TCF12: variants seen among roughly 807,000 people sequenced by gnomAD.
TCF12 encodes transcription factor 12, also known as DNA-binding protein HTF4.
Under a neutral mutation model 86.0 loss-of-function variants are expected in TCF12, and 45 were observed. That is an observed-to-expected ratio of 0.52 (90% CI 0.41 to 0.67). The LOEUF (loss-of-function observed/expected upper bound fraction) is 0.67, where lower values mean the gene tolerates loss of function less well. Ranked by LOEUF, TCF12 falls within the 30% of genes least tolerant of loss-of-function variation. The pLI is 0.00. For missense variants in TCF12, 881 were observed against 859.9 expected (o/e 1.02, Z -0.31); for synonymous variants, 330 against 299.6 (o/e 1.10, Z -1.05).
intron 16 of TCF12, among the ~76,000 whole-genome samples, chr15:57,256,597 C>G (rs1566997663): frequency 8.8e-6 from 1 of 114,166 alleles, no homozygotes; most frequent in Admixed American, 1.3e-4. Context: ...TTATAACTTT[C>G]CAGAAGTTTG....
chr15:57,150,276 A>G (rs2053646783), intron 5 of TCF12, among the ~76,000 whole-genome samples: 1 of 152,180 alleles, frequency 6.6e-6, no homozygotes, highest in Non-Finnish European at 1.5e-5. Flanking sequence ...ACATGCATGT[A>G]TATGCATGAG....
chr15:57,260,615 T>A (rs572527181), intron 16 of TCF12, among the ~76,000 whole-genome samples: 2 of 152,310 alleles, frequency 1.3e-5, no homozygotes, highest in East Asian at 3.9e-4. Flanking sequence ...TTACTTTAAC[T>A]TACAATTATT....
At chr15:57,033,481 C>A (rs956397940) in intron 3 of TCF12, among the ~76,000 whole-genome samples, 4 of 152,054 alleles carry the variant, frequency 2.6e-5, no homozygotes, top group African/African-American at 4.8e-5. Flanking sequence ...CAAATGTTTT[C>A]CCCACATTAT....
chr15:56,979,067 A>G (rs2062756773), intron 3 of TCF12, among the ~76,000 whole-genome samples: 1 of 152,200 alleles, frequency 6.6e-6, no homozygotes, highest in Admixed American at 6.5e-5. Flanking sequence ...TAGAACATGC[A>G]GTGTTTGGAT....
intron 8 of TCF12, among the ~76,000 whole-genome samples, chr15:57,219,861 G>A (rs1340070645): frequency 2.0e-5 from 3 of 151,848 alleles, no homozygotes; most frequent in Admixed American, 1.3e-4. Flanking sequence ...GAGTAGCTGG[G>A]ATTACAGGCA....
chr15:57,051,729 A>G (rs1411617471), intron 3 of TCF12, among the ~76,000 whole-genome samples: 1 of 152,100 alleles, frequency 6.6e-6, no homozygotes, highest in Non-Finnish European at 1.5e-5. Context: ...ATAGATTTGG[A>G]TCTTACCCAG....
At chr15:57,251,501 A>G in intron 14 of TCF12, 78 bp downstream of exon 14, 2 of 1,355,962 alleles carry the variant, frequency 1.5e-6, no homozygotes, top group Middle Eastern at 1.8e-4. Context: ...ATAACAATAA[A>G]GAAACAGTAG....
At chr15:57,085,221 T>C (rs1189247869) in intron 4 of TCF12, among the ~76,000 whole-genome samples, 2 of 152,160 alleles carry the variant, frequency 1.3e-5, no homozygotes, top group African/African-American at 4.8e-5. Context: ...GCTAGTCTCT[T>C]TTTGGATTAT....
In TCF12 at chr15:57,095,473, G is replaced by A. The variant is rs148905636; in HGVS notation, c.325+3582G>A. Among the ~76,000 whole-genome samples, 575 of 152,246 alleles carry A rather than the reference G, an allele frequency of 3.8e-3. 2 individuals carry two copies. The highest frequency in any genetic ancestry group is 0.013 in the African/African-American group (556 of 41,544). ...CTGGCTTCCATCCCCAAGTGATTGT[G>A]TAATAAACTACTATTATCTTTTTAA... On this transcript the variant is annotated intron_variant, in intron 5 of 20. Coordinates refer to ENST00000333725, the MANE Select transcript of TCF12 (RefSeq NM_207037.2).
At chr15:57,149,774 T>C (rs1218665355) in intron 5 of TCF12, among the ~76,000 whole-genome samples, 1 of 152,212 alleles carries the variant, frequency 6.6e-6, no homozygotes, top group East Asian at 1.9e-4. Flanking sequence ...CTCTAAGCAG[T>C]CTTTGTTTGT....
intron 5 of TCF12, among the ~76,000 whole-genome samples, chr15:57,113,158 A>G (rs1408651856): frequency 6.6e-6 from 1 of 152,102 alleles, no homozygotes; most frequent in Admixed American, 6.5e-5. Context: ...CACTCTGGCC[A>G]TATCCCCGTG....
chr15:57,052,530 G>C (rs1485558041), intron 3 of TCF12, among the ~76,000 whole-genome samples: 7 of 151,528 alleles, frequency 4.6e-5, no homozygotes, highest in African/African-American at 1.7e-4. Context: ...CCAGCTACTC[G>C]GGAGGCTGAG....
chr15:57,083,775 G>C (rs2048459978), intron 4 of TCF12, among the ~76,000 whole-genome samples: 1 of 152,082 alleles, frequency 6.6e-6, no homozygotes, highest in African/African-American at 2.4e-5. Flanking sequence ...TGTAGCACCA[G>C]AGTCTCGCTA....
At chr15:57,022,116 G>T (rs1470186765) in intron 3 of TCF12, among the ~76,000 whole-genome samples, 1 of 151,920 alleles carries the variant, frequency 6.6e-6, no homozygotes, top group African/African-American at 2.4e-5. Flanking sequence ...TGTGCACAAC[G>T]TGCAGGTTTG....
rs1247857672 is a variant in TCF12 at position 57,288,740 on chromosome 15, G to T, written c.*2595G>T. On this transcript the variant is annotated 3_prime_UTR_variant, in exon 21 of 21. Transcript: ENST00000333725. Reference sequence around the variant, plus strand: ...TTCTCCTCTTGCCCTCACTACTGACGGTGGCCTTTTAACCTTTTCCTAAAG... The same window carrying T: ...TTCTCCTCTTGCCCTCACTACTGACTGTGGCCTTTTAACCTTTTCCTAAAG... 1 of 151,976 alleles carries T rather than the reference G, an allele frequency of 6.6e-6. No individual in the cohort carries two copies. The highest frequency in any genetic ancestry group is 2.4e-5 in the African/African-American group (1 of 41,374). 9.4% of individuals were successfully genotyped at this position (151,976 alleles called of 1,614,324 possible).
At chr15:57,192,438 G>T (rs1472834075) in intron 7 of TCF12, 145 bp downstream of exon 7, 3 of 1,166,984 alleles carry the variant, frequency 2.6e-6, no homozygotes, top group African/African-American at 3.1e-5. Flanking sequence ...ACCCATGCAG[G>T]AATGCAACAG....
intron 3 of TCF12, among the ~76,000 whole-genome samples, chr15:57,020,319 G>A (rs2065400990): frequency 6.6e-6 from 1 of 152,178 alleles, no homozygotes; most frequent in Non-Finnish European, 1.5e-5. Context: ...AGGTCTTCTT[G>A]CAGAGCGTTC....
chr15:56,999,762 G>A (rs1026488367), intron 3 of TCF12, among the ~76,000 whole-genome samples: 8 of 152,062 alleles, frequency 5.3e-5, no homozygotes, highest in Admixed American at 2.0e-4. Flanking sequence ...TAGTCCCAGC[G>A]CCTCAGGAGG....
chr15:56,924,154 G>C (rs1195419890), intron 3 of TCF12, among the ~76,000 whole-genome samples: 1 of 152,054 alleles, frequency 6.6e-6, no homozygotes, highest in Non-Finnish European at 1.5e-5. Flanking sequence ...TTCATATGCA[G>C]TTGTAAGAAA....
Sources: allele counts gnomAD v4.1 joint callset (sites outside exome capture counted in the v4.1 genomes callset), GRCh38; gene constraint gnomAD v4.1.1; transcripts MANE v1.5; gene names NCBI Gene and HGNC (gene_info 2026-07-23, HGNC 2026-07-21).